The following RPS6KC1 variants were observed in gnomAD, a reference collection of about 807,000 sequenced individuals.
RPS6KC1 encodes the protein ribosomal protein S6 kinase C1.
Under a neutral mutation model 103.8 loss-of-function variants are expected in RPS6KC1, and 54 were observed. The observed-to-expected ratio is 0.52, with a 90% CI of 0.42 to 0.65. The LOEUF is 0.65. RPS6KC1 is among the 30% of genes least tolerant of loss of function. RPS6KC1 has a pLI of 0.00. For synonymous variants in RPS6KC1, 439 were observed against 438.7 expected, an observed-to-expected ratio of 1.00 and a Z score of -0.01; for missense variants, 1,151 against 1,253.8, an observed-to-expected ratio of 0.92 and a Z score of 1.24.
chr1:213,742,117 C>CAA, the RPS6KC1 span, among the ~76,000 whole-genome samples: 1 of 152,118 alleles, frequency 6.6e-6, no homozygotes, highest in African/African-American at 2.4e-5. Flanking sequence ...ATGTTCTCCA[C>CAA]GAGTGCTCCT....
downstream of RPS6KC1, among the ~76,000 whole-genome samples, chr1:213,279,468 C>G (rs559630383): frequency 2.6e-5 from 4 of 152,248 alleles, no homozygotes; most frequent in East Asian, 7.7e-4. Context: ...ACTTTTTCCC[C>G]CATTGGTTGA....
intron 8 of RPS6KC1, among the ~76,000 whole-genome samples, chr1:213,217,159 A>G (rs1465105203): frequency 1.3e-5 from 2 of 151,784 alleles, no homozygotes; most frequent in Non-Finnish European, 2.9e-5. Context: ...AGAAGAATCA[A>G]ATAGACACAA....
At chr1:213,636,174 G>T in the RPS6KC1 span, among the ~76,000 whole-genome samples, 1 of 152,158 alleles carries the variant, frequency 6.6e-6, no homozygotes, top group African/African-American at 2.4e-5. Context: ...AATCAATATT[G>T]TGAAAATGGC....
the RPS6KC1 span, among the ~76,000 whole-genome samples, chr1:213,779,744 C>T: frequency 6.6e-6 from 1 of 152,156 alleles, no homozygotes. Flanking sequence ...CCAGACTGAC[C>T]AGAAAGTTTA....
the RPS6KC1 span, among the ~76,000 whole-genome samples, chr1:213,781,902 A>G: frequency 2.6e-5 from 4 of 152,290 alleles, no homozygotes; most frequent in African/African-American, 7.2e-5. Context: ...TGGCAAATGG[A>G]AAATGAACCA....
intron 4 of RPS6KC1, among the ~76,000 whole-genome samples, chr1:213,115,664 C>G (rs1343923206): frequency 2.0e-5 from 3 of 151,604 alleles, no homozygotes; most frequent in Non-Finnish European, 4.4e-5. Context: ...AATTTTGGAT[C>G]TTTCCTGCTT....
chr1:213,286,885 GA>G, the RPS6KC1 span, among the ~76,000 whole-genome samples: 1 of 152,192 alleles, frequency 6.6e-6, no homozygotes, highest in African/African-American at 2.4e-5. Context: ...AGGAAATACA[GA>G]AGGCACAGAA....
At chr1:213,582,770 T>A in the RPS6KC1 span, among the ~76,000 whole-genome samples, 29 of 152,376 alleles carry the variant, frequency 1.9e-4, no homozygotes, top group East Asian at 3.5e-3. Context: ...TACTGAGTTA[T>A]AATTTATTTA....
the RPS6KC1 span, among the ~76,000 whole-genome samples, chr1:213,529,417 G>C: frequency 6.6e-6 from 1 of 152,186 alleles, no homozygotes; most frequent in Non-Finnish European, 1.5e-5. Context: ...GCCAGACCAA[G>C]AGTACTTTAA....
At chr1:213,559,063 G>T in the RPS6KC1 span, among the ~76,000 whole-genome samples, 3 of 152,162 alleles carry the variant, frequency 2.0e-5, no homozygotes, top group South Asian at 6.2e-4. Context: ...TCAAGCCCTG[G>T]ACTTCTAGGA....
the RPS6KC1 span, among the ~76,000 whole-genome samples, chr1:213,825,563 T>C: frequency 2.6e-5 from 4 of 152,278 alleles, no homozygotes; most frequent in South Asian, 8.3e-4. Context: ...TCATTTTTGA[T>C]GGGTTGCCCA....
chr1:213,087,308 C>G (rs770799348), intron 3 of RPS6KC1, among the ~76,000 whole-genome samples: 2 of 152,078 alleles, frequency 1.3e-5, no homozygotes, highest in African/African-American at 4.8e-5. Context: ...TTTTATGCAG[C>G]GGCTTTACAG....
chr1:213,533,444 G>C, the RPS6KC1 span, among the ~76,000 whole-genome samples: 1 of 151,884 alleles, frequency 6.6e-6, no homozygotes, highest in East Asian at 1.9e-4. Flanking sequence ...ATTATTTGTG[G>C]GTTCTTGTGA....
the RPS6KC1 span, among the ~76,000 whole-genome samples, chr1:213,825,709 G>T: frequency 1.2e-3 from 183 of 152,244 alleles, no homozygotes; most frequent in Non-Finnish European, 2.1e-3. Context: ...ACCTTTGTGG[G>T]TATCAGTCTC....
chr1:213,238,657 CA>C (rs777372367), intron 10 of RPS6KC1, among the ~76,000 whole-genome samples: 1 of 152,136 alleles, frequency 6.6e-6, no homozygotes, highest in Non-Finnish European at 1.5e-5. Flanking sequence ...GTAGTTTATT[CA>C]GGTGGAATTG....
At chr1:213,159,234 G>A (rs1282363595) in intron 6 of RPS6KC1, among the ~76,000 whole-genome samples, 1 of 152,158 alleles carries the variant, frequency 6.6e-6, no homozygotes, top group African/African-American at 2.4e-5. Context: ...GTCTGGACGA[G>A]TAGTTTCCTG....
chr1:213,595,307 A>G, the RPS6KC1 span, among the ~76,000 whole-genome samples: 2 of 152,250 alleles, frequency 1.3e-5, no homozygotes, highest in Non-Finnish European at 1.5e-5. Flanking sequence ...ACCTCCAACC[A>G]TTATACCTCA....
At chr1:213,621,044 G>C in the RPS6KC1 span, among the ~76,000 whole-genome samples, 1 of 152,092 alleles carries the variant, frequency 6.6e-6, no homozygotes, top group African/African-American at 2.4e-5. Flanking sequence ...TCTGTGTCCA[G>C]TAAGTAACCC....
intron 6 of RPS6KC1, among the ~76,000 whole-genome samples, chr1:213,133,554 A>T (rs2085902651): frequency 6.6e-6 from 1 of 152,170 alleles, no homozygotes; most frequent in Admixed American, 6.5e-5. Flanking sequence ...TAGCAAGAAT[A>T]ATTATTTAAA....
Sources: gnomAD v4.1 joint callset for allele counts (sites outside exome capture counted in the v4.1 genomes callset) on GRCh38, gnomAD v4.1.1 for gene constraint, MANE v1.5 for transcripts, NCBI Gene and HGNC (gene_info 2026-07-23, HGNC 2026-07-21) for gene names.